Variants in BTBD9 observed in about 807,000 individuals in gnomAD.
The protein encoded by BTBD9 is BTB domain containing 9.
In BTBD9, 49 loss-of-function variants were observed where a neutral mutation model predicts 64.3. The ratio of observed to expected loss-of-function variants is 0.76; its 90% CI spans 0.61 to 0.97. The LOEUF (loss-of-function observed/expected upper bound fraction) is 0.97. BTBD9 is among the 50% of genes least tolerant of loss of function. The pLI, the probability that BTBD9 is intolerant of heterozygous loss-of-function variation, is 0.00. For synonymous variants in BTBD9, 260 were observed against 274.7 expected (o/e 0.95, Z 0.53); for missense variants, 598 against 762.1 (o/e 0.78, Z 2.53).
chr6:38,213,586 A>G (rs1762906178), intron 9 of BTBD9, among the ~76,000 whole-genome samples: 1 of 152,200 alleles, frequency 6.6e-6, no homozygotes, highest in African/African-American at 2.4e-5. Flanking sequence ...ACTGCATTCA[A>G]GACAGTGAAT....
intron 6 of BTBD9, among the ~76,000 whole-genome samples, chr6:38,346,996 G>T (rs1289650537): frequency 6.6e-6 from 1 of 152,174 alleles, no homozygotes; most frequent in African/African-American, 2.4e-5. Flanking sequence ...GACTAACAGG[G>T]CCTTTTCCCA....
chr6:38,592,499 G>A, intron 4 of BTBD9, 77 bp downstream of exon 4: 1 of 1,505,080 alleles, frequency 6.6e-7, no homozygotes, highest in Non-Finnish European at 9.1e-7. Flanking sequence ...ACACGGTTCT[G>A]TAGTAGCTTT....
At chr6:38,294,734 T>C (rs945402805) in intron 7 of BTBD9, among the ~76,000 whole-genome samples, 1 of 151,906 alleles carries the variant, frequency 6.6e-6, no homozygotes, top group African/African-American at 2.4e-5. Context: ...CAAACCACCA[T>C]GGCATGTGTA....
intron 7 of BTBD9, among the ~76,000 whole-genome samples, chr6:38,301,961 A>G (rs1762420142): frequency 6.6e-6 from 1 of 152,018 alleles, no homozygotes; most frequent in Non-Finnish European, 1.5e-5. Context: ...TAGGGTGTCA[A>G]TTTTAGATCT....
At chr6:38,186,217 T>G (rs975871536) in intron 10 of BTBD9, among the ~76,000 whole-genome samples, 4 of 152,212 alleles carry the variant, frequency 2.6e-5, no homozygotes, top group African/African-American at 9.7e-5. Context: ...TTTCCTCATC[T>G]TTAAAATGAG....
At chr6:38,319,868 G>C (rs577919584) in intron 7 of BTBD9, among the ~76,000 whole-genome samples, 5 of 152,194 alleles carry the variant, frequency 3.3e-5, no homozygotes, top group East Asian at 3.9e-4. Context: ...GGCTTGCCTA[G>C]GATTTACAGT....
chr6:38,287,654 C>T (rs1468264896), intron 8 of BTBD9, among the ~76,000 whole-genome samples: 2 of 152,160 alleles, frequency 1.3e-5, no homozygotes, highest in Non-Finnish European at 1.5e-5. Flanking sequence ...TGTGTAAGGA[C>T]ACTCTATGAT....
intron 6 of BTBD9, among the ~76,000 whole-genome samples, chr6:38,390,797 G>A (rs1264015710): frequency 1.3e-5 from 2 of 152,182 alleles, no homozygotes; most frequent in Non-Finnish European, 2.9e-5. Context: ...TTAAAGAACT[G>A]TACTTTTTTG....
intron 7 of BTBD9, among the ~76,000 whole-genome samples, chr6:38,333,099 G>C (rs538169502): frequency 5.3e-5 from 8 of 152,306 alleles, no homozygotes; most frequent in African/African-American, 1.7e-4. Flanking sequence ...GTAGAAAGAA[G>C]GCAAAGGCAT....
intron 7 of BTBD9, among the ~76,000 whole-genome samples, chr6:38,321,638 A>C (rs941245298): frequency 5.3e-5 from 8 of 152,172 alleles, no homozygotes; most frequent in African/African-American, 1.9e-4. Flanking sequence ...CATAAGTTTA[A>C]ATTTGTTTTT....
rs1766761199 is a variant in BTBD9, at chr6:38,171,559, TGTG to T, written c.*3423_*3425del. 9.2e-4 allele frequency: 1 copy of T among 1,084 alleles called. No homozygotes were observed. The highest frequency in any genetic ancestry group is 0.014 in the South Asian group (1 of 70). The allele number at this position is 1,084 out of a possible 1,614,324, so 0.1% of individuals were successfully genotyped here. The stretch of plus-strand genomic sequence containing the variant: ...CACTGAGAAAATGGTAAAACGGGTG[TGTG>T]TGTGTGTGTGTGTGTGTGTGTGTGT... On this transcript the variant is annotated 3_prime_UTR_variant, in exon 11 of 11. Transcript: ENST00000481247.
intron 10 of BTBD9, among the ~76,000 whole-genome samples, chr6:38,183,267 G>T (rs545368241): frequency 6.6e-6 from 1 of 152,150 alleles, no homozygotes; most frequent in Non-Finnish European, 1.5e-5. Context: ...GTGAGCCACC[G>T]CGCCCGGCCT....
intron 6 of BTBD9, among the ~76,000 whole-genome samples, chr6:38,470,922 T>C (rs567942602): frequency 6.6e-6 from 1 of 152,364 alleles, no homozygotes; most frequent in East Asian, 1.9e-4. Context: ...GCTGCTTCTT[T>C]AACATGCACT....
Position 38,406,040 on chromosome 6 carries a change from G to C in BTBD9, c.1155-60947C>G, listed in dbSNP as rs1767145899. Among the ~76,000 whole-genome samples the C allele has an allele frequency of 3.9e-5, 6 of 152,290 alleles. No individual in the cohort carries two copies. The South Asian group carries it at 1.2e-3, about 32-fold the overall frequency. On this transcript the variant is annotated intron_variant, in intron 6 of 10. Coordinates refer to ENST00000481247, the MANE Select transcript of BTBD9 (RefSeq NM_001099272.2). ...CGTCAGCAGAGACATGTATTGGTAAGCTACTATTCAAGTGGGCTCAACTTT... is the reference window on the plus strand; with the variant it reads ...CGTCAGCAGAGACATGTATTGGTAACCTACTATTCAAGTGGGCTCAACTTT...
At chr6:38,631,718 A>G (rs1044713715) in intron 1 of BTBD9, among the ~76,000 whole-genome samples, 10 of 152,230 alleles carry the variant, frequency 6.6e-5, no homozygotes, top group African/African-American at 1.2e-4. Flanking sequence ...TCAAGCCTTC[A>G]GATGACTGCT....
intron 6 of BTBD9, among the ~76,000 whole-genome samples, chr6:38,529,588 C>T (rs1360983792): frequency 2.6e-5 from 4 of 152,184 alleles, no homozygotes; most frequent in South Asian, 4.1e-4. Context: ...TCACATGTTG[C>T]GGGAAGTCAG....
chr6:38,236,152 G>T (rs918650838), intron 9 of BTBD9, among the ~76,000 whole-genome samples: 6 of 152,132 alleles, frequency 3.9e-5, no homozygotes, highest in African/African-American at 1.4e-4. Flanking sequence ...AACAGCAACA[G>T]CTTTGACACT....
chr6:38,594,359 C>T, intron 2 of BTBD9, 32 bp from the exon 3 acceptor site: 4 of 1,542,014 alleles, frequency 2.6e-6, no homozygotes, highest in Non-Finnish European at 3.5e-6. Context: ...CATGAAGAAA[C>T]CCTCAAATAG....
chr6:38,209,216 C>T (rs528629921), intron 9 of BTBD9, among the ~76,000 whole-genome samples: 38 of 152,246 alleles, frequency 2.5e-4, no homozygotes, highest in South Asian at 1.7e-3. Flanking sequence ...TGCTCCCTCA[C>T]ATCACCCATC....
Sources: gnomAD v4.1 joint callset for allele counts (sites outside exome capture counted in the v4.1 genomes callset) on GRCh38, gnomAD v4.1.1 for gene constraint, MANE v1.5 for transcripts, NCBI Gene and HGNC (gene_info 2026-07-23, HGNC 2026-07-21) for gene names.